Variants in SCARA5 observed in about 807,000 individuals in gnomAD.
The protein encoded by SCARA5 is scavenger receptor class A member 5.
SCARA5 carries 45 observed loss-of-function variants against 46.3 expected under a neutral mutation model. That is an observed-to-expected ratio of 0.97 (90% CI 0.76 to 1.24). The LOEUF is 1.24. Among genes scored for constraint, SCARA5 ranks in the 50% most tolerant of loss-of-function variants. The probability of loss-of-function intolerance (pLI) is 0.00; values close to 1 mark genes in which losing one functional copy is unlikely to be tolerated. For synonymous variants in SCARA5, 333 were observed against 306.5 expected, an observed-to-expected ratio of 1.09 and a Z score of -0.90; for missense variants, 680 against 689.0, an observed-to-expected ratio of 0.99 and a Z score of 0.15.
chr8:27,933,286 C>A (rs1807805841), intron 3 of SCARA5, among the ~76,000 whole-genome samples: 1 of 152,014 alleles, frequency 6.6e-6, no homozygotes, highest in African/African-American at 2.4e-5. Flanking sequence ...CTTTAGGAGG[C>A]TGAGGCGGGT....
chr8:27,915,328 A>G (rs117721151), intron 4 of SCARA5, among the ~76,000 whole-genome samples: 3,561 of 152,186 alleles, frequency 0.023, 66 homozygotes, highest in Non-Finnish European at 0.039. Context: ...CGAGCCCCCA[A>G]TGGAGGGTGG....
chr8:27,922,027 A>G lies in SCARA5; in HGVS notation c.460T>C (p.Trp154Arg). The change falls in exon 4 of 9, where the codon TGG (tryptophan) becomes CGG (arginine). Residue 154 changes from tryptophan (W) to arginine (R), a missense_variant. By Grantham distance (101) the Trp-to-Arg change is moderately radical. Coordinates refer to ENST00000354914, the MANE Select transcript of SCARA5 (RefSeq NM_173833.6). ...GAVQRLEGAL[W>R]GLQAQAVQTE... is the part of the protein sequence containing the mutation. ...TGCACCGCCTGCGCCTGCAGCCCCC[A>G]CAGCGCGCCCTCCAGCCGCTGCACT... is the stretch of plus-strand genomic sequence containing the variant. The G allele has an allele frequency of 6.3e-7, 1 of 1,575,150 alleles. No homozygotes were observed. Among genetic ancestry groups the G allele is most frequent in the Non-Finnish European group, 8.6e-7 (1 of 1,167,396 alleles).
intron 7 of SCARA5, among the ~76,000 whole-genome samples, chr8:27,887,197 C>T (rs1806910552): frequency 6.6e-6 from 1 of 152,164 alleles, no homozygotes; most frequent in Non-Finnish European, 1.5e-5. Context: ...GGCACCTTCA[C>T]CTCCTCCTTG....
At chr8:27,987,055 C>T (rs1319507690) in intron 2 of SCARA5, among the ~76,000 whole-genome samples, 1 of 152,208 alleles carries the variant, frequency 6.6e-6, no homozygotes, top group Admixed American at 6.5e-5. Flanking sequence ...AAGACCAGGG[C>T]CTTGCACCCA....
In SCARA5 at chr8:27,923,593, CAG is replaced by C. The variant is rs1337150079; in HGVS notation, c.242-1350_242-1349del. 4.6e-5 allele frequency among the ~76,000 whole-genome samples: 7 copies of C among 152,226 alleles called. No individual in the cohort carries two copies. The South Asian group carries it at 6.2e-4, about 14-fold the overall frequency. ...TTTTGTTTTGTTTTGTTTTTTGAGA[CAG>C]AGTCTCACTCTGTTGCTGTCGCCAG... On this transcript the variant is annotated intron_variant, in intron 3 of 8. Transcript: ENST00000354914.
intron 3 of SCARA5, 102 bp from the exon 4 acceptor site, chr8:27,922,347 A>G: frequency 1.4e-6 from 1 of 715,752 alleles, no homozygotes; most frequent in Non-Finnish European, 2.2e-6. Context: ...TAGGTGCTCA[A>G]TAAATGATAG....
At chr8:27,941,452 G>A (rs1807943591) in intron 3 of SCARA5, among the ~76,000 whole-genome samples, 1 of 152,184 alleles carries the variant, frequency 6.6e-6, no homozygotes, top group African/African-American at 2.4e-5. Context: ...GGGGTTGTGT[G>A]AGGACTCAAG....
At chr8:27,979,319 G>A (rs1024734372) in intron 2 of SCARA5, among the ~76,000 whole-genome samples, 4 of 152,224 alleles carry the variant, frequency 2.6e-5, no homozygotes, top group Admixed American at 6.5e-5. Context: ...AGGGACGCAA[G>A]GGTACTCTAC....
chr8:27,973,022 C>G (rs1490807104), intron 2 of SCARA5, among the ~76,000 whole-genome samples: 1 of 152,182 alleles, frequency 6.6e-6, no homozygotes, highest in Non-Finnish European at 1.5e-5. Flanking sequence ...TTCTCTGAGG[C>G]AAGGTGTGTC....
chr8:27,919,068 AGGAGGAGGAGAGAAGGGT>A (rs1298626527), intron 4 of SCARA5, among the ~76,000 whole-genome samples: 59 of 142,088 alleles, frequency 4.2e-4, no homozygotes, highest in Non-Finnish European at 5.1e-4. Context: ...GAGAGAAGGG[AGGAGGAGGAGAGAAGGGT>A]GGAGGAGGAG....
intron 3 of SCARA5, among the ~76,000 whole-genome samples, chr8:27,942,111 G>A (rs1807956134): frequency 6.6e-6 from 1 of 152,032 alleles, no homozygotes; most frequent in Non-Finnish European, 1.5e-5. Flanking sequence ...TTACAGGTGT[G>A]AGCCACTGCG....
intron 2 of SCARA5, among the ~76,000 whole-genome samples, chr8:27,970,589 T>C (rs1272639761): frequency 6.6e-6 from 1 of 152,230 alleles, no homozygotes; most frequent in Non-Finnish European, 1.5e-5. Context: ...TCTGAGCTCC[T>C]GTTCTGGTCA....
rs555441946 is a variant in SCARA5, at chr8:27,915,431, AC to A, written c.917-5689del. Among the ~76,000 whole-genome samples, 9 of 152,030 alleles carry A rather than the reference AC, an allele frequency of 5.9e-5. No homozygotes were observed. In the South Asian group the frequency reaches 1.9e-3, roughly 32 times the overall value. ...TGGCTCACCATACAACGTCCCAGGG[AC>A]CTCAGCCCAGGCCATGCTCCTCAGC... On this transcript the variant is annotated intron_variant, in intron 4 of 8. Transcript: ENST00000354914.
chr8:27,900,561 C>T (rs558514589), intron 7 of SCARA5, among the ~76,000 whole-genome samples: 2 of 152,070 alleles, frequency 1.3e-5, no homozygotes, highest in Non-Finnish European at 2.9e-5. Context: ...TAGAATTCAC[C>T]CTGGTGTCAT....
At chr8:27,895,805 A>T (rs566308838) in intron 7 of SCARA5, among the ~76,000 whole-genome samples, 1 of 152,310 alleles carries the variant, frequency 6.6e-6, no homozygotes, top group South Asian at 2.1e-4. Context: ...CTGGACTTTT[A>T]AAAACTGTGA....
chr8:27,933,998 T>G (rs1032143113), intron 3 of SCARA5, among the ~76,000 whole-genome samples: 1 of 152,186 alleles, frequency 6.6e-6, no homozygotes, highest in South Asian at 2.1e-4. Context: ...TGTTGTGGGA[T>G]GGTGGAAGAA....
At chr8:27,904,672 C>T (rs1283065152) in intron 7 of SCARA5, 106 bp downstream of exon 7, 4 of 1,033,590 alleles carry the variant, frequency 3.9e-6, no homozygotes, top group South Asian at 3.8e-5. Context: ...CACTTGAGCC[C>T]CAGCCATGGC....
At chr8:27,990,037 G>A (rs768642068) in intron 1 of SCARA5, among the ~76,000 whole-genome samples, 10 of 152,250 alleles carry the variant, frequency 6.6e-5, no homozygotes, top group Non-Finnish European at 1.3e-4. Flanking sequence ...CGCTGCCCCT[G>A]GGGAGTGGAG....
chr8:27,938,011 G>A (rs1006525124), intron 3 of SCARA5, among the ~76,000 whole-genome samples: 1 of 152,164 alleles, frequency 6.6e-6, no homozygotes, highest in Non-Finnish European at 1.5e-5. Context: ...TCCATAACTA[G>A]CGGTTAGGGA....
Sources: gnomAD v4.1 joint callset for allele counts (sites outside exome capture counted in the v4.1 genomes callset) on GRCh38, gnomAD v4.1.1 for gene constraint, MANE v1.5 for transcripts, NCBI Gene and HGNC (gene_info 2026-07-23, HGNC 2026-07-21) for gene names.